Variants in ARHGAP12 observed in about 807,000 individuals in gnomAD.
ARHGAP12 encodes the protein rho GTPase-activating protein 12.
In ARHGAP12, 64 loss-of-function variants were observed where a neutral mutation model predicts 108.6. That is an observed-to-expected ratio of 0.59 (90% confidence interval 0.48 to 0.73). The LOEUF (loss-of-function observed/expected upper bound fraction) is 0.73, where lower values mean the gene tolerates loss of function less well. Ranked by LOEUF, ARHGAP12 falls within the 30% of genes least tolerant of loss-of-function variation. ARHGAP12 has a pLI of 0.00. For synonymous variants in ARHGAP12, 312 were observed against 337.2 expected (o/e 0.93, Z 0.82); for missense variants, 940 against 1,005.9 (o/e 0.93, Z 0.89).
At chr10:31,862,835 G>A (rs919916274) in intron 3 of ARHGAP12, among the ~76,000 whole-genome samples, 1 of 151,938 alleles carries the variant, frequency 6.6e-6, no homozygotes, top group African/African-American at 2.4e-5. Flanking sequence ...AGGAACCACT[G>A]CTTTTCCCTA....
intron 4 of ARHGAP12, among the ~76,000 whole-genome samples, chr10:31,855,939 GT>G (rs1194884431): frequency 6.6e-6 from 1 of 152,248 alleles, no homozygotes; most frequent in Non-Finnish European, 1.5e-5. Flanking sequence ...TGGCAGTTAA[GT>G]AAAAGTTAAA....
At chr10:31,839,991 T>C (rs1836199498) in intron 7 of ARHGAP12, among the ~76,000 whole-genome samples, 1 of 152,126 alleles carries the variant, frequency 6.6e-6, no homozygotes, top group Non-Finnish European at 1.5e-5. Context: ...AAAATCATGA[T>C]GTTATATCAG....
intron 3 of ARHGAP12, among the ~76,000 whole-genome samples, chr10:31,895,422 G>C (rs1410268244): frequency 1.3e-5 from 2 of 152,104 alleles, no homozygotes; most frequent in Non-Finnish European, 2.9e-5. Flanking sequence ...CCATCAACAA[G>C]TGGGCAAAGG....
rs569121010 is a variant in ARHGAP12 at position 31,864,620 on chromosome 10, A to T, written c.685-2962T>A. Reference sequence around the variant, plus strand: ...CAAACACGAACAAAAGTATGCAAACATGTATCTCCTCCAAAAAAGGAAAAT... The same window carrying T: ...CAAACACGAACAAAAGTATGCAAACTTGTATCTCCTCCAAAAAAGGAAAAT... On this transcript the variant is annotated intron_variant, in intron 3 of 19. Coordinates refer to ENST00000344936, the MANE Select transcript of ARHGAP12 (RefSeq NM_018287.7). Among the ~76,000 whole-genome samples, 11 of 152,340 alleles carry T rather than the reference A, an allele frequency of 7.2e-5. 1 individual carries two copies. Among genetic ancestry groups the T allele is most frequent in the African/African-American group, 2.6e-4 (11 of 41,584 alleles).
chr10:31,858,562 G>C (rs930886797), intron 4 of ARHGAP12, among the ~76,000 whole-genome samples: 19 of 152,060 alleles, frequency 1.2e-4, no homozygotes, highest in African/African-American at 4.6e-4. Context: ...CTGTCTCGGC[G>C]GCATCTCTGG....
chr10:31,894,347 C>T (rs1564417790), intron 3 of ARHGAP12, among the ~76,000 whole-genome samples: 3 of 152,028 alleles, frequency 2.0e-5, no homozygotes, highest in African/African-American at 7.3e-5. Flanking sequence ...ATCTAGAAAA[C>T]CCCATCGTCT....
intron 3 of ARHGAP12, among the ~76,000 whole-genome samples, chr10:31,863,195 C>T (rs1837197765): frequency 6.6e-6 from 1 of 152,188 alleles, no homozygotes; most frequent in Non-Finnish European, 1.5e-5. Flanking sequence ...CACTAAACAA[C>T]ATCTTTCTAT....
At chr10:31,867,013 A>T (rs1477613958) in intron 3 of ARHGAP12, among the ~76,000 whole-genome samples, 1 of 152,208 alleles carries the variant, frequency 6.6e-6, no homozygotes, top group Non-Finnish European at 1.5e-5. Context: ...AAATCTAGAG[A>T]CTTAACAGTA....
chr10:31,853,382 T>C (rs1409718276), intron 5 of ARHGAP12, among the ~76,000 whole-genome samples: 1 of 152,120 alleles, frequency 6.6e-6, no homozygotes, highest in Non-Finnish European at 1.5e-5. Flanking sequence ...CAGAACATCA[T>C]GCAATAAAAC....
intron 10 of ARHGAP12, among the ~76,000 whole-genome samples, chr10:31,827,816 A>C (rs566400887): frequency 9.2e-5 from 14 of 152,132 alleles, no homozygotes; most frequent in Middle Eastern, 3.4e-3. Context: ...AAAACAAAAA[A>C]AAAACCACCT....
chr10:31,887,776 G>C (rs1838244814), intron 3 of ARHGAP12, among the ~76,000 whole-genome samples: 1 of 150,772 alleles, frequency 6.6e-6, no homozygotes, highest in Non-Finnish European at 1.5e-5. Context: ...TCCTGCCTCA[G>C]CCTCCCAAGT....
At chr10:31,915,479 C>G (rs112756779) in intron 1 of ARHGAP12, among the ~76,000 whole-genome samples, 14 of 151,012 alleles carry the variant, frequency 9.3e-5, no homozygotes, top group African/African-American at 3.4e-4. Flanking sequence ...AAAGGACATA[C>G]AATCATAGTC....
chr10:31,906,880 G>C (rs1451225741), intron 3 of ARHGAP12, among the ~76,000 whole-genome samples: 1 of 152,148 alleles, frequency 6.6e-6, no homozygotes, highest in Non-Finnish European at 1.5e-5. Context: ...TCCCTGAGGA[G>C]CTAAATATAG....
intron 1 of ARHGAP12, among the ~76,000 whole-genome samples, chr10:31,922,975 T>G (rs888944057): frequency 4.0e-5 from 6 of 151,828 alleles, no homozygotes; most frequent in South Asian, 2.1e-4. Flanking sequence ...AAAAAAAGTT[T>G]ACAAAATTAG....
chr10:31,833,495 A>G (rs1453591182), intron 9 of ARHGAP12, among the ~76,000 whole-genome samples: 1 of 152,188 alleles, frequency 6.6e-6, no homozygotes, highest in Non-Finnish European at 1.5e-5. Flanking sequence ...TGAAACTGGA[A>G]CATAACTGAG....
In ARHGAP12 at chr10:31,839,298, T is replaced by G; in HGVS notation, c.1386+7A>C. 1 of 1,610,632 alleles carries G rather than the reference T, an allele frequency of 6.2e-7. No homozygotes were observed. On this transcript the variant is annotated splice_region_variant and intron_variant, in intron 9 of 19. Transcript: ENST00000344936. The stretch of plus-strand genomic sequence containing the variant: ...TGCCTATTAAGAAGGAGAGGATTGC[T>G]TCTTACCTTTGGACTGCTGGCCTGA...
chr10:31,821,685 T>G (rs1201271526), intron 11 of ARHGAP12, among the ~76,000 whole-genome samples: 1 of 152,182 alleles, frequency 6.6e-6, no homozygotes, highest in Non-Finnish European at 1.5e-5. Flanking sequence ...TAGCTATCAG[T>G]GTGAACTTAA....
chr10:31,872,323 G>A (rs562435656), intron 3 of ARHGAP12, among the ~76,000 whole-genome samples: 39 of 152,094 alleles, frequency 2.6e-4, no homozygotes, highest in African/African-American at 9.2e-4. Context: ...CCGAGCTACC[G>A]ACATGTATTC....
At chr10:31,851,546 C>CA (rs1836680156) in intron 6 of ARHGAP12, among the ~76,000 whole-genome samples, 1 of 152,174 alleles carries the variant, frequency 6.6e-6, no homozygotes, top group Non-Finnish European at 1.5e-5. Flanking sequence ...TTGGTCAACT[C>CA]AGACTCACAA....
Sources: gnomAD v4.1 joint callset for allele counts (sites outside exome capture counted in the v4.1 genomes callset) on GRCh38, gnomAD v4.1.1 for gene constraint, MANE v1.5 for transcripts, NCBI Gene and HGNC (gene_info 2026-07-23, HGNC 2026-07-21) for gene names.